ANO6: variants seen among roughly 807,000 people sequenced by gnomAD.
ANO6 encodes the protein anoctamin 6, also known as anoctamin-6.
A neutral mutation model predicts 117.5 loss-of-function variants in ANO6; 106 were observed. The ratio of observed to expected loss-of-function variants is 0.90; its 90% CI spans 0.77 to 1.06. The LOEUF (loss-of-function observed/expected upper bound fraction) is 1.06. Ranked by LOEUF, ANO6 falls within the 50% of genes least tolerant of loss-of-function variation. The pLI, the probability that ANO6 is intolerant of heterozygous loss-of-function variation, is 0.00. For synonymous variants in ANO6, 367 were observed against 385.1 expected, an observed-to-expected ratio of 0.95 and a Z score of 0.55; for missense variants, 955 against 1,121.1, an observed-to-expected ratio of 0.85 and a Z score of 2.12.
intron 1 of ANO6, among the ~76,000 whole-genome samples, chr12:45,260,138 A>T (rs1431042070): frequency 6.6e-6 from 1 of 152,238 alleles, no homozygotes; most frequent in East Asian, 1.9e-4. Context: ...CCGAGCACTT[A>T]GCGCTGGGCT....
intron 1 of ANO6, among the ~76,000 whole-genome samples, chr12:45,296,761 GT>G (rs1308688264): frequency 1.3e-5 from 2 of 152,212 alleles, no homozygotes; most frequent in East Asian, 3.9e-4. Flanking sequence ...ACTTTGCTTG[GT>G]TAACTTCATG....
At chr12:45,288,784 G>T (rs1056651553) in intron 1 of ANO6, among the ~76,000 whole-genome samples, 1 of 152,104 alleles carries the variant, frequency 6.6e-6, no homozygotes, top group Non-Finnish European at 1.5e-5. Context: ...GTCTCACTCT[G>T]TCGCCCAGGC....
intron 1 of ANO6, among the ~76,000 whole-genome samples, chr12:45,241,631 G>A (rs769554411): frequency 4.5e-4 from 69 of 152,278 alleles, no homozygotes; most frequent in Admixed American, 9.8e-4. Flanking sequence ...GAGAACAGGC[G>A]CTCTGGTTTT....
intron 2 of ANO6, among the ~76,000 whole-genome samples, chr12:45,308,122 C>T (rs1427453358): frequency 8.4e-6 from 1 of 118,440 alleles, no homozygotes; most frequent in Non-Finnish European, 1.6e-5. Flanking sequence ...GGGTGATTAC[C>T]GTGAAGAGAG....
intron 1 of ANO6, among the ~76,000 whole-genome samples, chr12:45,288,732 T>A (rs1369715732): frequency 3.3e-5 from 5 of 152,164 alleles, no homozygotes; most frequent in Non-Finnish European, 7.3e-5. Flanking sequence ...TATATTATAA[T>A]ACATAACTTT....
At chr12:45,329,880 GAA>G (rs1341023318) in intron 2 of ANO6, among the ~76,000 whole-genome samples, 1 of 152,060 alleles carries the variant, frequency 6.6e-6, no homozygotes, top group African/African-American at 2.4e-5. Context: ...TGGCTGAAAT[GAA>G]AAAGACATGG....
chr12:45,350,032 G>A (rs898660790), intron 6 of ANO6, among the ~76,000 whole-genome samples: 32 of 152,152 alleles, frequency 2.1e-4, no homozygotes, highest in African/African-American at 7.5e-4. Flanking sequence ...CAGGGCCTGT[G>A]CCCTGATTTG....
At chr12:45,424,840 A>G (rs150975237) in intron 19 of ANO6, among the ~76,000 whole-genome samples, 22 of 152,264 alleles carry the variant, frequency 1.4e-4, no homozygotes, top group African/African-American at 5.3e-4. Context: ...GCCTCAGTAG[A>G]AAGAAGTGTG....
At chr12:45,223,647 T>C (rs899994215) in intron 1 of ANO6, among the ~76,000 whole-genome samples, 2 of 152,246 alleles carry the variant, frequency 1.3e-5, no homozygotes, top group African/African-American at 4.8e-5. Context: ...TTTGCGTTTA[T>C]CATTCCCATA....
intron 1 of ANO6, among the ~76,000 whole-genome samples, chr12:45,259,642 G>T (rs1057277750): frequency 2.0e-5 from 3 of 152,150 alleles, no homozygotes; most frequent in African/African-American, 7.2e-5. Flanking sequence ...TCAGCAAACA[G>T]GCTTATTCCT....
At position 45,266,376 on chromosome 12, in the gene ANO6, T is replaced by C. The variant is rs79396399; in HGVS notation, c.71-35638T>C. On this transcript the variant is annotated intron_variant, in intron 1 of 19. Coordinates refer to ENST00000320560, the MANE Select transcript of ANO6 (RefSeq NM_001025356.3). ...CTGGATTACCATACTTTTAAAAATATATTGCATTGTGGTCTGAGACCGTAT... is the reference window on the plus strand; with the variant it reads ...CTGGATTACCATACTTTTAAAAATACATTGCATTGTGGTCTGAGACCGTAT... Among the ~76,000 whole-genome samples, 746 of 152,350 alleles carry C rather than the reference T, an allele frequency of 4.9e-3. 10 individuals are homozygous for C. Among genetic ancestry groups the C allele is most frequent in the East Asian group, 0.035 (181 of 5,188 alleles).
chr12:45,421,000 C>T (rs543675725), intron 17 of ANO6, 71 bp from the exon 18 acceptor site: 230 of 1,533,766 alleles, frequency 1.5e-4, no homozygotes, highest in Admixed American at 4.5e-4. Flanking sequence ...GCCTGGGCAG[C>T]AAGAGCGAGA....
chr12:45,218,043 G>A (rs140394092), intron 1 of ANO6, among the ~76,000 whole-genome samples: 1 of 152,192 alleles, frequency 6.6e-6, no homozygotes, highest in African/African-American at 2.4e-5. Context: ...TCTTAAGCGT[G>A]TGGCAGTAAG....
At chr12:45,246,653 A>G (rs1156462557) in intron 1 of ANO6, among the ~76,000 whole-genome samples, 1 of 152,164 alleles carries the variant, frequency 6.6e-6, no homozygotes, top group African/African-American at 2.4e-5. Context: ...TTTCCCTGAA[A>G]ATGTTTACAA....
At chr12:45,332,765 G>A (rs1471807312) in intron 3 of ANO6, among the ~76,000 whole-genome samples, 1 of 152,142 alleles carries the variant, frequency 6.6e-6, no homozygotes, top group South Asian at 2.1e-4. Flanking sequence ...TCGCCAGGTA[G>A]ACTCCCGGGT....
At chr12:45,271,369 G>A (rs988359635) in intron 1 of ANO6, among the ~76,000 whole-genome samples, 2 of 152,022 alleles carry the variant, frequency 1.3e-5, no homozygotes, top group African/African-American at 2.4e-5. Flanking sequence ...AGTAAATGAT[G>A]CTATTTATAA....
chr12:45,407,935 C>A (rs975473806), intron 15 of ANO6, among the ~76,000 whole-genome samples: 1 of 152,182 alleles, frequency 6.6e-6, no homozygotes, highest in South Asian at 2.1e-4. Flanking sequence ...CCTGCTGCCT[C>A]TCTAACATCA....
intron 1 of ANO6, among the ~76,000 whole-genome samples, chr12:45,255,025 TAA>T: frequency 6.6e-6 from 1 of 152,234 alleles, no homozygotes; most frequent in Non-Finnish European, 1.5e-5. Context: ...TCTTACATTA[TAA>T]ATGCTAAAAG....
intron 2 of ANO6, among the ~76,000 whole-genome samples, chr12:45,330,256 A>G (rs1344834665): frequency 6.6e-6 from 1 of 152,168 alleles, no homozygotes; most frequent in Non-Finnish European, 1.5e-5. Context: ...GTATCAAAAA[A>G]TATGTTTTCA....
Sources: gnomAD v4.1 joint callset for allele counts (sites outside exome capture counted in the v4.1 genomes callset) on GRCh38, gnomAD v4.1.1 for gene constraint, MANE v1.5 for transcripts, NCBI Gene and HGNC (gene_info 2026-07-23, HGNC 2026-07-21) for gene names.